ARHGEF26: variants seen among roughly 807,000 people sequenced by gnomAD.
The protein encoded by ARHGEF26 is Rho guanine nucleotide exchange factor (GEF) 26.
ARHGEF26 carries 59 observed loss-of-function variants against 89.4 expected under a neutral mutation model. That is an observed-to-expected ratio of 0.66 (90% CI 0.54 to 0.82). The LOEUF is 0.82. ARHGEF26 is among the 40% of genes least tolerant of loss of function. ARHGEF26 has a pLI of 0.00. For synonymous variants in ARHGEF26, 500 were observed against 428.4 expected, an observed-to-expected ratio of 1.17 and a Z score of -2.06; for missense variants, 1,234 against 1,085.6, an observed-to-expected ratio of 1.14 and a Z score of -1.92.
At chr3:154,156,842 T>C (rs368822938) in intron 6 of ARHGEF26, among the ~76,000 whole-genome samples, 2 of 152,188 alleles carry the variant, frequency 1.3e-5, no homozygotes, top group African/African-American at 4.8e-5. Context: ...GAATTAGATA[T>C]TACAGAGTAA....
intron 6 of ARHGEF26, among the ~76,000 whole-genome samples, chr3:154,165,850 CT>C (rs1711988643): frequency 6.6e-6 from 1 of 152,114 alleles, no homozygotes; most frequent in Non-Finnish European, 1.5e-5. Flanking sequence ...CGTACCATTG[CT>C]TTTTCTAAAC....
In ARHGEF26 at chr3:154,225,959, A is replaced by T. The variant is rs1716458729; in HGVS notation, c.2039A>T (p.Gln680Leu). Residue 680 changes from glutamine to leucine, a missense_variant, in exon 11 of 15, where the codon CAA becomes CTA. Physicochemically the swap from Gln to Leu is moderately radical, Grantham distance 113. Coordinates refer to ENST00000465093, the MANE Select transcript of ARHGEF26 (RefSeq NM_015595.4). ...VLFSRRTSKQ[Q>L]VYFFLFNDVL... ...TTCTCAAGAAGGACATCCAAACAGC[A>T]AGTCTACTTCTTTCTCTTTAACGAT... 1 of 1,613,240 alleles carries T rather than the reference A, an allele frequency of 6.2e-7. No individual in the cohort carries two copies. The highest frequency in any genetic ancestry group is 1.3e-5 in the African/African-American group (1 of 74,882).
At chr3:154,130,147 ATT>A (rs55816788) in intron 4 of ARHGEF26, among the ~76,000 whole-genome samples, 2 of 105,942 alleles carry the variant, frequency 1.9e-5, no homozygotes, top group African/African-American at 7.9e-5. Context: ...TTCCTTGGAA[ATT>A]TTTTTTTTTT....
intron 11 of ARHGEF26, among the ~76,000 whole-genome samples, chr3:154,239,759 A>G (rs973077866): frequency 3.9e-5 from 6 of 152,114 alleles, no homozygotes; most frequent in African/African-American, 1.4e-4. Context: ...TGCGATGGGA[A>G]TGGGAGTGCA....
chr3:154,257,162 C>A lies in ARHGEF26; in HGVS notation c.*1689C>A. ...TGCACCCTGTCACCTCGGCAATGAG[C>A]CAGTGTGGGGCACTGGGGACTTCTA... On this transcript the variant is annotated 3_prime_UTR_variant, in exon 15 of 15. Coordinates refer to ENST00000465093, the MANE Select transcript of ARHGEF26 (RefSeq NM_015595.4). 1.7e-6 allele frequency: 1 copy of A among 598,072 alleles called. No homozygotes were observed. Among genetic ancestry groups the A allele is most frequent in the Non-Finnish European group, 2.7e-6 (1 of 369,632 alleles). 37.0% of individuals were successfully genotyped at this position (598,072 alleles called of 1,614,324 possible). A position where few individuals can be genotyped will look rare whatever the true frequency, so the allele number is the denominator to read the frequency against.
At chr3:154,141,047 C>T (rs1489561059) in intron 4 of ARHGEF26, among the ~76,000 whole-genome samples, 7 of 152,120 alleles carry the variant, frequency 4.6e-5, no homozygotes, top group African/African-American at 9.6e-5. Flanking sequence ...CTGCCAGCTC[C>T]GCCTCCTGGG....
chr3:154,234,920 C>T (rs12630410), intron 11 of ARHGEF26, among the ~76,000 whole-genome samples: 11,151 of 152,188 alleles, frequency 0.073, 832 homozygotes, highest in East Asian at 0.39. Context: ...CGCTCACCAC[C>T]GCGCCCGGCT....
At chr3:154,228,980 G>A (rs145634538) in intron 11 of ARHGEF26, among the ~76,000 whole-genome samples, 2 of 152,256 alleles carry the variant, frequency 1.3e-5, no homozygotes, top group East Asian at 3.9e-4. Context: ...ACTGAGAAAA[G>A]CTGCTCGGGA....
intron 12 of ARHGEF26, among the ~76,000 whole-genome samples, chr3:154,244,117 A>G (rs1717647047): frequency 6.6e-6 from 1 of 152,184 alleles, no homozygotes; most frequent in Non-Finnish European, 1.5e-5. Flanking sequence ...TCTAGCCTTA[A>G]GTAATTGAAG....
intron 4 of ARHGEF26, among the ~76,000 whole-genome samples, chr3:154,142,347 C>T (rs1466975355): frequency 2.0e-5 from 3 of 151,768 alleles, no homozygotes; most frequent in Non-Finnish European, 4.4e-5. Context: ...GGATTACAGG[C>T]GTGAGTCACT....
In ARHGEF26 at chr3:154,122,088, G is replaced by C. The variant is rs528513610; in HGVS notation, c.96G>C (p.Arg32=). The part of the protein sequence containing the change: ...SIPQPHQVLG[R]SKPRPQSYQS... ...CTCAGCCCCACCAGGTTCTGGGCCGGAGCAAGCCGAGGCCCCAGTCCTACC... is the reference window on the plus strand; with the variant it reads ...CTCAGCCCCACCAGGTTCTGGGCCGCAGCAAGCCGAGGCCCCAGTCCTACC... Residue 32 remains arginine (R), a synonymous_variant, in exon 2 of 15, where the codon CGG becomes CGC. Transcript: ENST00000465093. 19 of 1,611,570 alleles carry C rather than the reference G, an allele frequency of 1.2e-5. No individual in the cohort carries two copies. Among genetic ancestry groups the C allele is most frequent in the Middle Eastern group, 1.7e-4 (1 of 6,056 alleles).
Position 154,240,492 on chromosome 3 carries a change from A to G in ARHGEF26, c.2213A>G (p.Gln738Arg). 6.2e-7 allele frequency: 1 copy of G among 1,613,454 alleles called. No homozygotes were observed. The highest frequency in any genetic ancestry group is 8.5e-7 in the Non-Finnish European group (1 of 1,179,632). ...AGCTCCACAATGCTCTATTCAAGAC[A>G]GAGCTCTGCCAGTCACCTCTTTACT... Reference protein sequence around the residue: ...KNSSTMLYSRQSSASHLFTLT... With the variant: ...KNSSTMLYSRRSSASHLFTLT... Residue 738 changes from glutamine (Q) to arginine (R), a missense_variant, in exon 12 of 15, where the codon CAG (glutamine) becomes CGG (arginine). Gln to Arg is a conservative substitution (Grantham distance 43). Coordinates refer to ENST00000465093, the MANE Select transcript of ARHGEF26 (RefSeq NM_015595.4).
At chr3:154,215,647 A>G (rs1715673382) in intron 9 of ARHGEF26, among the ~76,000 whole-genome samples, 1 of 152,186 alleles carries the variant, frequency 6.6e-6, no homozygotes, top group Non-Finnish European at 1.5e-5. Flanking sequence ...AGATATAGGC[A>G]GAACCAGTGT....
intron 9 of ARHGEF26, among the ~76,000 whole-genome samples, chr3:154,199,120 C>CATATTATTGA (rs1446230087): frequency 1.6e-4 from 24 of 151,604 alleles, no homozygotes; most frequent in Non-Finnish European, 3.1e-4. Flanking sequence ...CTGTAGTCAC[C>CATATTATTGA]CTGTTGTGCT....
intron 12 of ARHGEF26, among the ~76,000 whole-genome samples, chr3:154,248,089 A>C (rs1360998748): frequency 1.3e-5 from 2 of 152,200 alleles, no homozygotes; most frequent in Non-Finnish European, 2.9e-5. Flanking sequence ...TAAAATTTAG[A>C]TGTCATTTGG....
chr3:154,131,757 C>T (rs1718694392), intron 4 of ARHGEF26, among the ~76,000 whole-genome samples: 1 of 152,174 alleles, frequency 6.6e-6, no homozygotes. Context: ...ATTTTTATGT[C>T]AGTTACACCC....
At position 154,229,571 on chromosome 3, in the gene ARHGEF26, T is replaced by C. The variant is rs117163507; in HGVS notation, c.2090+3561T>C. Among the ~76,000 whole-genome samples, 43 of 152,312 alleles carry C rather than the reference T, an allele frequency of 2.8e-4. No homozygotes were observed. In the East Asian group the frequency reaches 6.8e-3, roughly 24 times the overall value. ...GCAGACTTCTCAACCTTGGCACGAT[T>C]GACATTTTGGGGCCTGATGTTTCTT... On this transcript the variant is annotated intron_variant, in intron 11 of 14. Transcript: ENST00000465093.
At chr3:154,163,730 G>A (rs377269699) in intron 6 of ARHGEF26, among the ~76,000 whole-genome samples, 2 of 152,192 alleles carry the variant, frequency 1.3e-5, no homozygotes, top group South Asian at 2.1e-4. Context: ...AAAGGTCATT[G>A]TCTTATTTTC....
intron 9 of ARHGEF26, among the ~76,000 whole-genome samples, chr3:154,211,367 C>T (rs1208055848): frequency 1.3e-5 from 2 of 152,114 alleles, no homozygotes; most frequent in Non-Finnish European, 2.9e-5. Flanking sequence ...TAAATGCTCC[C>T]TCCATGGATG....
Sources: gnomAD v4.1 joint callset for allele counts (sites outside exome capture counted in the v4.1 genomes callset) on GRCh38, gnomAD v4.1.1 for gene constraint, MANE v1.5 for transcripts, NCBI Gene and HGNC (gene_info 2026-07-23, HGNC 2026-07-21) for gene names.